The following PNPLA1 variants were observed in gnomAD, a reference collection of about 807,000 sequenced individuals.
PNPLA1 encodes the protein patatin like domain 1, omega-hydroxyceramide transacylase, also known as omega-hydroxyceramide transacylase.
Under a neutral mutation model 51.7 loss-of-function variants are expected in PNPLA1, and 36 were observed. The observed-to-expected ratio is 0.70, with a 90% CI of 0.53 to 0.92. The LOEUF is 0.92. Ranked by LOEUF, PNPLA1 falls within the 40% of genes least tolerant of loss-of-function variation. The probability of loss-of-function intolerance (pLI) is 0.00; values close to 1 mark genes in which losing one functional copy is unlikely to be tolerated. For synonymous variants in PNPLA1, 293 were observed against 280.1 expected (o/e 1.05, Z -0.46); for missense variants, 658 against 682.5 (o/e 0.96, Z 0.40).
At chr6:36,306,422 A>T (rs1771238251) in intron 7 of PNPLA1, 46 bp downstream of exon 7, 3 of 1,533,476 alleles carry the variant, frequency 2.0e-6, no homozygotes, top group Non-Finnish European at 2.7e-6. Context: ...TGGACGGAAG[A>T]AGCAAGCCCG....
At chr6:36,256,062 A>G (rs1415712398) in intron 1 of PNPLA1, among the ~76,000 whole-genome samples, 1 of 152,166 alleles carries the variant, frequency 6.6e-6, no homozygotes, top group African/African-American at 2.4e-5. Flanking sequence ...CTCACTTGTT[A>G]TATGGTCAAA....
intron 1 of PNPLA1, among the ~76,000 whole-genome samples, chr6:36,259,041 G>T (rs1256628481): frequency 2.0e-5 from 3 of 152,170 alleles, no homozygotes; most frequent in African/African-American, 7.2e-5. Flanking sequence ...AGCAGGTTCT[G>T]GGTTGTATCA....
At chr6:36,307,743 C>A (rs746699583) in intron 8 of PNPLA1, 31 bp downstream of exon 8, 1 of 1,610,966 alleles carries the variant, frequency 6.2e-7, no homozygotes, top group Non-Finnish European at 8.5e-7. Context: ...TTAAATCCCA[C>A]GGAGAGGAGC....
intron 8 of PNPLA1, among the ~76,000 whole-genome samples, chr6:36,309,903 C>T (rs1271959218): frequency 6.6e-6 from 1 of 152,134 alleles, no homozygotes; most frequent in African/African-American, 2.4e-5. Context: ...AAATTACAAC[C>T]ACTGTCACAT....
chr6:36,273,250 A>T (rs865982813), intron 1 of PNPLA1, among the ~76,000 whole-genome samples: 147 of 105,194 alleles, frequency 1.4e-3, no homozygotes, highest in African/African-American at 2.4e-3. Context: ...AAATAAATAA[A>T]TAATAAATAA....
chr6:36,303,223 T>C (rs1372878081), intron 6 of PNPLA1, among the ~76,000 whole-genome samples: 2 of 152,002 alleles, frequency 1.3e-5, no homozygotes, highest in Non-Finnish European at 2.9e-5. Flanking sequence ...GCCTCCCGAG[T>C]AGCTGGGACT....
At position 36,313,453 on chromosome 6, in the gene PNPLA1, C is replaced by T. The variant is rs1323076078; in HGVS notation, c.*1567C>T. ...ATGGGTGGAGGACCATACTAAACTG[C>T]CCTTTGGAGCCTGAGGAGACCATAT... On this transcript the variant is annotated 3_prime_UTR_variant, in exon 9 of 9. Coordinates refer to ENST00000636260, the MANE Select transcript of PNPLA1 (RefSeq NM_001374623.1). Among the ~76,000 whole-genome samples the T allele has an allele frequency of 2.0e-5, 3 of 152,294 alleles. No homozygotes were observed. The highest frequency in any genetic ancestry group is 2.1e-4 in the South Asian group (1 of 4,820).
At chr6:36,293,222 T>A in intron 3 of PNPLA1, 96 bp downstream of exon 3, 1 of 1,253,368 alleles carries the variant, frequency 8.0e-7, no homozygotes, top group East Asian at 2.3e-5. Flanking sequence ...GGTCTCAGAA[T>A]GCAGCGGGAG....
intron 5 of PNPLA1, among the ~76,000 whole-genome samples, chr6:36,296,781 C>T (rs1446930220): frequency 2.0e-5 from 3 of 152,136 alleles, no homozygotes; most frequent in Non-Finnish European, 4.4e-5. Flanking sequence ...CCATCCCACC[C>T]ACAAGCTGTG....
At chr6:36,260,645 A>T (rs903574604) in intron 1 of PNPLA1, among the ~76,000 whole-genome samples, 1 of 152,106 alleles carries the variant, frequency 6.6e-6, no homozygotes, top group African/African-American at 2.4e-5. Context: ...GTGAAGTCTT[A>T]TGTTCTTTGC....
At chr6:36,276,333 C>T (rs1403936062) in intron 1 of PNPLA1, among the ~76,000 whole-genome samples, 1 of 152,138 alleles carries the variant, frequency 6.6e-6, no homozygotes, top group Admixed American at 6.5e-5. Context: ...ATCCTGAGAT[C>T]CTGTGTTTTT....
chr6:36,263,233 A>G (rs1020609693), intron 1 of PNPLA1, among the ~76,000 whole-genome samples: 4 of 152,248 alleles, frequency 2.6e-5, no homozygotes, highest in Non-Finnish European at 4.4e-5. Context: ...CACCATTAAA[A>G]TGTTGACTAA....
intron 1 of PNPLA1, among the ~76,000 whole-genome samples, chr6:36,254,537 T>G (rs1236995217): frequency 1.3e-5 from 2 of 151,694 alleles, no homozygotes; most frequent in Non-Finnish European, 2.9e-5. Context: ...ATCACAGTAC[T>G]GCATTCCAGC....
chr6:36,282,212 G>GGGAAGGAAGGAAGGGAA (rs1770335282), intron 1 of PNPLA1, among the ~76,000 whole-genome samples: 1 of 108,632 alleles, frequency 9.2e-6, no homozygotes, highest in African/African-American at 3.4e-5. Flanking sequence ...AAGGAAGGAA[G>GGGAAGGAAGGAAGGGAA]GGAAGGAAGG....
chr6:36,281,878 G>A (rs138971157), intron 1 of PNPLA1, among the ~76,000 whole-genome samples: 4 of 151,562 alleles, frequency 2.6e-5, no homozygotes, highest in African/African-American at 4.9e-5. Context: ...AAAATTAGCC[G>A]GGCATGGTGG....
intron 8 of PNPLA1, among the ~76,000 whole-genome samples, chr6:36,310,844 A>G (rs975782542): frequency 5.3e-5 from 8 of 152,278 alleles, no homozygotes; most frequent in African/African-American, 1.9e-4. Flanking sequence ...TCTCTCTATA[A>G]CATTCACCCT....
chr6:36,254,982 C>T (rs182943459), intron 1 of PNPLA1, among the ~76,000 whole-genome samples: 9 of 152,250 alleles, frequency 5.9e-5, no homozygotes, highest in Admixed American at 3.3e-4. Flanking sequence ...ACCTAGTGCC[C>T]GGACAATGAA....
chr6:36,262,696 A>G (rs1373858773), intron 1 of PNPLA1, among the ~76,000 whole-genome samples: 1 of 152,186 alleles, frequency 6.6e-6, no homozygotes, highest in Non-Finnish European at 1.5e-5. Flanking sequence ...GTAGCATACT[A>G]TATTGCCTGA....
At chr6:36,309,556 G>A (rs1771341971) in intron 8 of PNPLA1, among the ~76,000 whole-genome samples, 1 of 152,176 alleles carries the variant, frequency 6.6e-6, no homozygotes, top group Non-Finnish European at 1.5e-5. Context: ...CGGGAACTGT[G>A]CAATTCAGCA....
Sources: allele counts gnomAD v4.1 joint callset (sites outside exome capture counted in the v4.1 genomes callset), GRCh38; gene constraint gnomAD v4.1.1; transcripts MANE v1.5; gene names NCBI Gene and HGNC (gene_info 2026-07-23, HGNC 2026-07-21).